MTUS2: variants seen among roughly 807,000 people sequenced by gnomAD.
MTUS2 encodes microtubule-associated tumor suppressor candidate 2.
Under a neutral mutation model 114.1 loss-of-function variants are expected in MTUS2, and 40 were observed. That is an observed-to-expected ratio of 0.35 (90% CI 0.27 to 0.46). The LOEUF is 0.46. MTUS2 is among the 20% of genes least tolerant of loss of function. MTUS2 has a pLI of 1.00. For synonymous variants in MTUS2, 688 were observed against 672.0 expected (o/e 1.02, Z -0.37); for missense variants, 1,679 against 1,705.4 (o/e 0.98, Z 0.27).
chr13:29,288,137 C>A (rs530922077), intron 6 of MTUS2, among the ~76,000 whole-genome samples: 2 of 152,194 alleles, frequency 1.3e-5, no homozygotes, highest in African/African-American at 4.8e-5. Context: ...CTAGCAATGT[C>A]CAGTAGACAG....
chr13:29,016,236 G>T (rs1173326603), intron 2 of MTUS2, among the ~76,000 whole-genome samples: 1 of 151,888 alleles, frequency 6.6e-6, no homozygotes, highest in South Asian at 2.1e-4. Flanking sequence ...AATGTAAGTA[G>T]TTCCACTTTG....
intron 4 of MTUS2, among the ~76,000 whole-genome samples, chr13:29,097,449 G>C (rs1890224317): frequency 6.6e-6 from 1 of 152,082 alleles, no homozygotes; most frequent in Non-Finnish European, 1.5e-5. Flanking sequence ...GCTATCATTT[G>C]TTTATTGAAG....
At chr13:29,490,858 G>T (rs1882011809) in intron 11 of MTUS2, among the ~76,000 whole-genome samples, 1 of 152,264 alleles carries the variant, frequency 6.6e-6, no homozygotes, top group Non-Finnish European at 1.5e-5. Flanking sequence ...GGGAGGGGAA[G>T]AAAATAGGAT....
intron 4 of MTUS2, among the ~76,000 whole-genome samples, chr13:29,036,156 AGAAAG>A (rs202013085): frequency 2.4e-4 from 12 of 49,442 alleles, no homozygotes; most frequent in East Asian, 3.5e-4. Context: ...AAAAAAAAAA[AGAAAG>A]AAAAATAAAA....
intron 5 of MTUS2, among the ~76,000 whole-genome samples, chr13:29,248,061 T>A (rs1028716649): frequency 2.6e-5 from 4 of 152,250 alleles, no homozygotes; most frequent in African/African-American, 9.6e-5. Flanking sequence ...GGAATACTAT[T>A]CAGCCATAAA....
chr13:29,023,931 C>A (rs552451661), intron 2 of MTUS2, among the ~76,000 whole-genome samples: 19 of 152,170 alleles, frequency 1.2e-4, no homozygotes, highest in African/African-American at 3.9e-4. Flanking sequence ...TGGTGTCTAC[C>A]AGATCTCTCC....
chr13:29,094,433 G>A (rs571073752), intron 4 of MTUS2, among the ~76,000 whole-genome samples: 4 of 151,388 alleles, frequency 2.6e-5, no homozygotes, highest in African/African-American at 9.7e-5. Flanking sequence ...TTGTATTTCT[G>A]TGGAATTTGT....
intron 2 of MTUS2, among the ~76,000 whole-genome samples, chr13:29,003,241 C>T (rs1450439134): frequency 1.3e-5 from 2 of 152,196 alleles, no homozygotes; most frequent in Non-Finnish European, 2.9e-5. Flanking sequence ...ATTTAGTTTT[C>T]ATGAAGCAAC....
At chr13:29,308,540 C>T (rs1256445754) in intron 6 of MTUS2, among the ~76,000 whole-genome samples, 1 of 152,104 alleles carries the variant, frequency 6.6e-6, no homozygotes, top group Non-Finnish European at 1.5e-5. Flanking sequence ...GTGACTAAAG[C>T]AAAACTTGAC....
chr13:29,367,742 C>T (rs1171624190), intron 8 of MTUS2, among the ~76,000 whole-genome samples: 2 of 151,440 alleles, frequency 1.3e-5, no homozygotes, highest in African/African-American at 4.9e-5. Context: ...AACACCCACA[C>T]AGAAATCACA....
At chr13:29,471,564 A>G (rs1437064872) in intron 9 of MTUS2, among the ~76,000 whole-genome samples, 1 of 152,074 alleles carries the variant, frequency 6.6e-6, no homozygotes, top group East Asian at 1.9e-4. Flanking sequence ...GCTGCGGGAG[A>G]CAGACAGGTA....
chr13:29,228,145 GCA>G (rs1441998086), intron 5 of MTUS2, among the ~76,000 whole-genome samples: 1 of 152,138 alleles, frequency 6.6e-6, no homozygotes, highest in Non-Finnish European at 1.5e-5. Context: ...ACATGTCATG[GCA>G]AAAATTGGAA....
chr13:29,349,040 T>C (rs1435169418), intron 7 of MTUS2, among the ~76,000 whole-genome samples: 1 of 152,216 alleles, frequency 6.6e-6, no homozygotes, highest in African/African-American at 2.4e-5. Flanking sequence ...TACTGATTTA[T>C]TGAGATTAAA....
chr13:28,953,051 GT>G (rs1882886357), intron 2 of MTUS2, among the ~76,000 whole-genome samples: 1 of 152,120 alleles, frequency 6.6e-6, no homozygotes, highest in South Asian at 2.1e-4. Context: ...TGACATCTCT[GT>G]TAGCAATAAG....
At chr13:29,337,912 C>T (rs892999918) in intron 7 of MTUS2, among the ~76,000 whole-genome samples, 3 of 151,754 alleles carry the variant, frequency 2.0e-5, no homozygotes, top group Non-Finnish European at 4.4e-5. Context: ...CCTCAGCCTC[C>T]CAAGTAGCTG....
intron 11 of MTUS2, 137 bp from the exon 12 acceptor site, chr13:29,492,509 A>C (rs1882261232): frequency 1.6e-6 from 1 of 617,862 alleles, no homozygotes; most frequent in Non-Finnish European, 2.9e-6. Context: ...CCAGTGGAGG[A>C]GTCCCCTTAG....
intron 2 of MTUS2, among the ~76,000 whole-genome samples, chr13:28,913,239 G>A (rs569432219): frequency 5.3e-4 from 81 of 152,252 alleles, no homozygotes; most frequent in African/African-American, 1.8e-3. Context: ...ATATGATATT[G>A]TCTGTGGGTT....
intron 5 of MTUS2, among the ~76,000 whole-genome samples, chr13:29,235,406 T>C (rs948811678): frequency 1.3e-5 from 2 of 152,196 alleles, no homozygotes; most frequent in Admixed American, 6.5e-5. Flanking sequence ...AATGGTAATT[T>C]TTATCATTTC....
At chr13:28,958,962 G>A (rs1883195234) in intron 2 of MTUS2, among the ~76,000 whole-genome samples, 2 of 152,166 alleles carry the variant, frequency 1.3e-5, no homozygotes, top group Non-Finnish European at 2.9e-5. Context: ...TCTGGGAAGA[G>A]GGTAGGCTTC....
Sources: gnomAD v4.1 joint callset for allele counts (sites outside exome capture counted in the v4.1 genomes callset) on GRCh38, gnomAD v4.1.1 for gene constraint, MANE v1.5 for transcripts, NCBI Gene and HGNC (gene_info 2026-07-23, HGNC 2026-07-21) for gene names.